The following GRM1 variants were observed in gnomAD, a reference collection of about 807,000 sequenced individuals.
GRM1 encodes the protein glutamate metabotropic receptor 1.
A neutral mutation model predicts 90.9 loss-of-function variants in GRM1; 33 were observed. The ratio of observed to expected loss-of-function variants is 0.36; its 90% CI spans 0.28 to 0.49. GRM1 has a LOEUF of 0.49. Among genes scored for constraint, GRM1 ranks in the 20% least tolerant of loss-of-function variants. The pLI, the probability that GRM1 is intolerant of heterozygous loss-of-function variation, is 0.99. For missense variants in GRM1, 1,190 were observed against 1,534.3 expected (o/e 0.78, Z 3.75); for synonymous variants, 700 against 613.2 (o/e 1.14, Z -2.09).
chr6:146,040,501 T>C (rs915830974), intron 1 of GRM1, among the ~76,000 whole-genome samples: 3 of 152,018 alleles, frequency 2.0e-5, no homozygotes, highest in African/African-American at 4.8e-5. Flanking sequence ...AAAGTATTTA[T>C]CTCTTTTTTA....
At chr6:146,319,486 T>C (rs1784093220) in intron 3 of GRM1, among the ~76,000 whole-genome samples, 1 of 152,160 alleles carries the variant, frequency 6.6e-6, no homozygotes, top group Non-Finnish European at 1.5e-5. Context: ...TTAAAGTAGT[T>C]TTTTCTAATT....
chr6:146,343,032 C>T (rs1459796092), intron 3 of GRM1, among the ~76,000 whole-genome samples: 1 of 150,890 alleles, frequency 6.6e-6, no homozygotes, highest in African/African-American at 2.4e-5. Flanking sequence ...ATTTATTTTC[C>T]TTGTTTCCTT....
intron 2 of GRM1, among the ~76,000 whole-genome samples, chr6:146,190,886 A>G (rs909997559): frequency 1.3e-5 from 2 of 151,840 alleles, no homozygotes; most frequent in Admixed American, 6.6e-5. Flanking sequence ...AAAACACATC[A>G]CCCCTCTGAT....
intron 1 of GRM1, among the ~76,000 whole-genome samples, chr6:146,110,928 G>A (rs945856005): frequency 6.6e-6 from 1 of 152,094 alleles, no homozygotes; most frequent in African/African-American, 2.4e-5. Flanking sequence ...GAGAGAGAAG[G>A]GTTTTAAAGA....
intron 3 of GRM1, among the ~76,000 whole-genome samples, chr6:146,305,163 C>G (rs1049574929): frequency 6.6e-6 from 1 of 151,516 alleles, no homozygotes; most frequent in Non-Finnish European, 1.5e-5. Context: ...GTTTAGGAGA[C>G]CTTAGCCATA....
chr6:146,030,272 T>A, intron 1 of GRM1, 55 bp downstream of exon 1: 1 of 1,167,584 alleles, frequency 8.6e-7, no homozygotes, highest in South Asian at 1.2e-5. Flanking sequence ...CAATGCATGA[T>A]GTGCTCCTGG....
chr6:146,177,358 A>G (rs1297774450), intron 2 of GRM1, among the ~76,000 whole-genome samples: 3 of 152,096 alleles, frequency 2.0e-5, no homozygotes, highest in Non-Finnish European at 4.4e-5. Context: ...TCTTTCTGCT[A>G]GATGTGTTCT....
At chr6:146,378,027 C>G (rs549701298) in intron 5 of GRM1, among the ~76,000 whole-genome samples, 4 of 152,298 alleles carry the variant, frequency 2.6e-5, no homozygotes, top group African/African-American at 9.6e-5. Flanking sequence ...AAGACCCAAG[C>G]CTTGGTGGCT....
rs563115295 is a variant in GRM1, at chr6:146,199,025, G to A, written c.950+39428G>A. Among the ~76,000 whole-genome samples, 83 of 152,140 alleles carry A rather than the reference G, an allele frequency of 5.5e-4. 2 individuals carry two copies. The South Asian group carries it at 9.1e-3, about 17-fold the overall frequency. On this transcript the variant is annotated intron_variant, in intron 2 of 7. Coordinates refer to ENST00000282753, the MANE Select transcript of GRM1 (RefSeq NM_001278064.2). ...CACTCTTCCATGGCCTCTATTATTC[G>A]GGGCCCTATTATCCTCATGGATATT...
chr6:146,259,989 T>A (rs1240748142), intron 2 of GRM1, among the ~76,000 whole-genome samples: 1 of 148,820 alleles, frequency 6.7e-6, no homozygotes, highest in Non-Finnish European at 1.5e-5. Context: ...TATATATATA[T>A]GTTAGTGACA....
intron 2 of GRM1, among the ~76,000 whole-genome samples, chr6:146,216,305 T>G (rs1779869078): frequency 6.6e-6 from 1 of 152,168 alleles, no homozygotes; most frequent in Admixed American, 6.5e-5. Context: ...CATTAAGAAT[T>G]TTAATGCTTT....
intron 2 of GRM1, among the ~76,000 whole-genome samples, chr6:146,183,263 C>T (rs1778613409): frequency 6.6e-6 from 1 of 152,166 alleles, no homozygotes; most frequent in South Asian, 2.1e-4. Flanking sequence ...ATCCTGTTGA[C>T]AAGAACTTTG....
chr6:146,377,943 G>A (rs1438449096), intron 5 of GRM1, among the ~76,000 whole-genome samples: 3 of 152,062 alleles, frequency 2.0e-5, no homozygotes, highest in African/African-American at 7.2e-5. Flanking sequence ...GCACCCTAGG[G>A]ATTTGGTGCC....
intron 2 of GRM1, among the ~76,000 whole-genome samples, chr6:146,173,410 GAAAAAAA>G (rs1182745924): frequency 2.4e-5 from 2 of 84,126 alleles, no homozygotes; most frequent in Admixed American, 1.2e-4. Flanking sequence ...GAAAAGAAAA[GAAAAAAA>G]AAAAGAAAAA....
intron 1 of GRM1, among the ~76,000 whole-genome samples, chr6:146,041,514 T>G (rs1791104341): frequency 6.6e-6 from 1 of 151,954 alleles, no homozygotes; most frequent in Non-Finnish European, 1.5e-5. Context: ...TCACACAAGT[T>G]GGAAGCACTG....
chr6:146,043,128 TA>T (rs199952557), intron 1 of GRM1, among the ~76,000 whole-genome samples: 58 of 149,464 alleles, frequency 3.9e-4, no homozygotes, highest in East Asian at 9.8e-4. Context: ...ACCCCATCTC[TA>T]AAAAAAAAAT....
chr6:146,143,979 A>G (rs1776994581), intron 1 of GRM1, among the ~76,000 whole-genome samples: 1 of 152,232 alleles, frequency 6.6e-6, no homozygotes, highest in African/African-American at 2.4e-5. Flanking sequence ...TGAAAATTTT[A>G]TTGGGAAATT....
chr6:146,345,153 T>C (rs1024658459), intron 3 of GRM1, among the ~76,000 whole-genome samples: 11 of 152,312 alleles, frequency 7.2e-5, no homozygotes, highest in African/African-American at 2.4e-4. Flanking sequence ...GCTAATACTG[T>C]AGTAAACCTT....
chr6:146,265,889 TA>T (rs979457803), intron 2 of GRM1, among the ~76,000 whole-genome samples: 8 of 151,990 alleles, frequency 5.3e-5, no homozygotes, highest in Admixed American at 1.3e-4. Flanking sequence ...GTTAACTATT[TA>T]AAAAAAATAC....
Sources: allele counts gnomAD v4.1 joint callset (sites outside exome capture counted in the v4.1 genomes callset), GRCh38; gene constraint gnomAD v4.1.1; transcripts MANE v1.5; gene names NCBI Gene and HGNC (gene_info 2026-07-23, HGNC 2026-07-21).